Variants in RCAN1 observed in about 807,000 individuals in gnomAD.
RCAN1 encodes calcipressin-1.
RCAN1 carries 11 observed loss-of-function variants against 22.9 expected under a neutral mutation model. That is an observed-to-expected ratio of 0.48 (90% confidence interval 0.30 to 0.79). RCAN1 has a LOEUF of 0.79. Ranked by LOEUF, RCAN1 falls within the 30% of genes least tolerant of loss-of-function variation. The pLI, the probability that RCAN1 is intolerant of heterozygous loss-of-function variation, is 0.06. For missense variants in RCAN1, 291 were observed against 337.8 expected (o/e 0.86, Z 1.09); for synonymous variants, 136 against 142.3 (o/e 0.96, Z 0.32).
At chr21:34,528,983 T>C (rs1985231708) in intron 1 of RCAN1, among the ~76,000 whole-genome samples, 2 of 152,176 alleles carry the variant, frequency 1.3e-5, no homozygotes, top group African/African-American at 4.8e-5. Context: ...GGTGAGGTAT[T>C]TGAAGATTAT....
At chr21:34,519,451 T>A (rs1215939470) in intron 3 of RCAN1, among the ~76,000 whole-genome samples, 1 of 142,340 alleles carries the variant, frequency 7.0e-6, no homozygotes, top group Non-Finnish European at 1.5e-5. Context: ...CAGGCTGGAA[T>A]GCAGTGACAA....
chr21:34,578,990 C>A (rs1008680450), intron 1 of RCAN1, among the ~76,000 whole-genome samples: 11 of 152,074 alleles, frequency 7.2e-5, no homozygotes, highest in Non-Finnish European at 1.3e-4. Context: ...AACAGACAAA[C>A]AAAAACAAGC....
At chr21:34,540,580 C>A (rs1985869259) in intron 1 of RCAN1, among the ~76,000 whole-genome samples, 1 of 152,178 alleles carries the variant, frequency 6.6e-6, no homozygotes, top group Admixed American at 6.5e-5. Flanking sequence ...AAGCCAGAGA[C>A]CCTGGAACCC....
intron 1 of RCAN1, among the ~76,000 whole-genome samples, chr21:34,587,923 T>C (rs1987852348): frequency 6.6e-6 from 1 of 152,182 alleles, no homozygotes; most frequent in African/African-American, 2.4e-5. Context: ...GTTAAAGGCC[T>C]TAACGGAACA....
chr21:34,532,298 C>T (rs143418088), intron 1 of RCAN1, among the ~76,000 whole-genome samples: 13 of 152,284 alleles, frequency 8.5e-5, no homozygotes, highest in Admixed American at 8.5e-4. Context: ...AGGAAGTGCA[C>T]AGGTGAGCCT....
At chr21:34,582,848 G>A (rs1987664375) in intron 1 of RCAN1, among the ~76,000 whole-genome samples, 1 of 152,184 alleles carries the variant, frequency 6.6e-6, no homozygotes, top group African/African-American at 2.4e-5. Context: ...GGGTGAGAGA[G>A]GGAGGGTAAA....
At position 34,590,480 on chromosome 21, in the gene RCAN1, A is replaced by C. The variant is rs149019080; in HGVS notation, c.252+24280T>G. On this transcript the variant is annotated intron_variant, in intron 1 of 3. Coordinates refer to ENST00000313806, the MANE Select transcript of RCAN1 (RefSeq NM_004414.7). ...ACTTTATTACTCTGATCTAGAAGGT[A>C]ATAAGAACTGGAGACCTACAGGCAA... Among the ~76,000 whole-genome samples, 224 of 152,382 alleles carry C rather than the reference A, an allele frequency of 1.5e-3. 1 individual carries two copies. Among genetic ancestry groups the C allele is most frequent in the African/African-American group, 5.0e-3 (210 of 41,592 alleles).
rs1984141312 is a variant in RCAN1, at chr21:34,517,661, G to A, written c.*423C>T. The A allele has an allele frequency of 6.0e-6, 1 of 166,556 alleles. No individual in the cohort carries two copies. The highest frequency in any genetic ancestry group is 6.1e-5 in the Admixed American group (1 of 16,486). 10.3% of individuals were successfully genotyped at this position (166,556 alleles called of 1,614,324 possible). On this transcript the variant is annotated 3_prime_UTR_variant, in exon 4 of 4. Transcript: ENST00000313806. ...TGTTTTCACAACCTCTCTGCACTAG[G>A]CGGCTTCCTGTGGTACCTCTTCCTA...
At chr21:34,570,000 G>A (rs978101196) in intron 1 of RCAN1, among the ~76,000 whole-genome samples, 1 of 152,224 alleles carries the variant, frequency 6.6e-6, no homozygotes, top group Non-Finnish European at 1.5e-5. Context: ...TGGTGGGCCT[G>A]CCCATGGCTT....
intron 1 of RCAN1, among the ~76,000 whole-genome samples, chr21:34,610,166 A>G (rs554394655): frequency 6.6e-5 from 10 of 152,368 alleles, no homozygotes; most frequent in African/African-American, 1.9e-4. Flanking sequence ...GAAGAGGAAC[A>G]GGCAGAAACG....
intron 1 of RCAN1, among the ~76,000 whole-genome samples, chr21:34,611,061 T>C (rs1266133962): frequency 1.3e-5 from 2 of 152,334 alleles, no homozygotes; most frequent in East Asian, 3.9e-4. Flanking sequence ...CGGAACTATA[T>C]TCACTGCTTG....
rs374444757 is a variant in RCAN1 at position 34,521,483 on chromosome 21, C to T, written c.586+16G>A. ...TGTCTCCCCCTGCCTCCCTCCCACC[C>T]GAGGGCCCTGCTCACCTGGCCCCAG... On this transcript the variant is annotated intron_variant, in intron 3 of 3. Coordinates refer to ENST00000313806, the MANE Select transcript of RCAN1 (RefSeq NM_004414.7). 478 of 1,614,060 alleles carry T rather than the reference C, an allele frequency of 3.0e-4. 7 individuals are homozygous for T. The South Asian group carries it at 3.2e-3, about 11-fold the overall frequency.
chr21:34,585,265 T>G (rs1256328380), intron 1 of RCAN1, among the ~76,000 whole-genome samples: 7 of 152,238 alleles, frequency 4.6e-5, no homozygotes, highest in Non-Finnish European at 4.4e-5. Context: ...ATTCTTAGAA[T>G]AATGCTAATG....
chr21:34,612,340 T>C (rs963591426), intron 1 of RCAN1, among the ~76,000 whole-genome samples: 3 of 152,166 alleles, frequency 2.0e-5, no homozygotes, highest in African/African-American at 7.2e-5. Flanking sequence ...TTCAAGTCCT[T>C]TAAAAATGGA....
intron 1 of RCAN1, chr21:34,524,379 C>T (rs1458003701): frequency 6.6e-6 from 1 of 151,760 alleles, no homozygotes; most frequent in African/African-American, 2.4e-5. Context: ...CCTTCCCCCA[C>T]TCACCCCCCC....
intron 1 of RCAN1, among the ~76,000 whole-genome samples, chr21:34,557,428 T>C (rs1986622553): frequency 6.6e-6 from 1 of 152,114 alleles, no homozygotes; most frequent in South Asian, 2.1e-4. Flanking sequence ...CTGTTCCATC[T>C]ATGGAAGGCT....
At chr21:34,533,352 A>AT (rs1601146008) in intron 1 of RCAN1, among the ~76,000 whole-genome samples, 1 of 152,138 alleles carries the variant, frequency 6.6e-6, no homozygotes, top group Admixed American at 6.5e-5. Context: ...GTGTAACCTC[A>AT]TTTTTTTAAA....
At chr21:34,568,033 CTG>C (rs1987094644) in intron 1 of RCAN1, among the ~76,000 whole-genome samples, 2 of 152,196 alleles carry the variant, frequency 1.3e-5, no homozygotes, top group Non-Finnish European at 2.9e-5. Context: ...GTTGGCGGAT[CTG>C]TATGGCAATA....
chr21:34,583,706 C>A (rs996645984), intron 1 of RCAN1, among the ~76,000 whole-genome samples: 1 of 152,124 alleles, frequency 6.6e-6, no homozygotes, highest in Admixed American at 6.6e-5. Context: ...AAAGGTCTGT[C>A]GTTTAAGCCC....
Sources: gnomAD v4.1 joint callset for allele counts (sites outside exome capture counted in the v4.1 genomes callset) on GRCh38, gnomAD v4.1.1 for gene constraint, MANE v1.5 for transcripts, NCBI Gene and HGNC (gene_info 2026-07-23, HGNC 2026-07-21) for gene names.